The following GKAP1 variants were observed in gnomAD, a reference collection of about 807,000 sequenced individuals.
GKAP1 encodes the protein G kinase-anchoring protein 1.
GKAP1 carries 31 observed loss-of-function variants against 56.7 expected under a neutral mutation model. The observed-to-expected ratio is 0.55, with a 90% CI of 0.41 to 0.74. The LOEUF (loss-of-function observed/expected upper bound fraction) is 0.74. Ranked by LOEUF, GKAP1 falls within the 30% of genes least tolerant of loss-of-function variation. The probability of loss-of-function intolerance (pLI) is 0.00; values close to 1 mark genes in which losing one functional copy is unlikely to be tolerated. For synonymous variants in GKAP1, 151 were observed against 138.6 expected (o/e 1.09, Z -0.63); for missense variants, 364 against 402.3 (o/e 0.90, Z 0.82).
intron 5 of GKAP1, among the ~76,000 whole-genome samples, chr9:83,788,194 C>T (rs1944096414): frequency 6.6e-6 from 1 of 152,168 alleles, no homozygotes; most frequent in Admixed American, 6.5e-5. Flanking sequence ...GTGAGAATCG[C>T]TTGAACCTGG....
chr9:83,815,764 T>C (rs1944575642), intron 2 of GKAP1, among the ~76,000 whole-genome samples: 1 of 152,170 alleles, frequency 6.6e-6, no homozygotes, highest in Non-Finnish European at 1.5e-5. Flanking sequence ...TAGATCGAAA[T>C]TAACTGAGCG....
chr9:83,793,331 C>G (rs1341878958), intron 4 of GKAP1, among the ~76,000 whole-genome samples: 2 of 152,170 alleles, frequency 1.3e-5, no homozygotes, highest in Non-Finnish European at 2.9e-5. Context: ...AGCAGTGGTG[C>G]ATAGTGGTCC....
intron 7 of GKAP1, among the ~76,000 whole-genome samples, chr9:83,775,083 A>G (rs80161489): frequency 0.011 from 1,681 of 150,076 alleles, 30 homozygotes; most frequent in African/African-American, 0.04. Context: ...ATCATAGCTC[A>G]TCCTGGAATT....
At chr9:83,790,266 A>T (rs928870920) in intron 4 of GKAP1, among the ~76,000 whole-genome samples, 2 of 152,192 alleles carry the variant, frequency 1.3e-5, no homozygotes, top group African/African-American at 4.8e-5. Flanking sequence ...TACATACTTT[A>T]TGGAATAACT....
At position 83,756,326 on chromosome 9, in the gene GKAP1, C is replaced by T. The variant is rs1382094361; in HGVS notation, c.739-2967G>A. On this transcript the variant is annotated intron_variant, in intron 8 of 12. Coordinates refer to ENST00000376371, the MANE Select transcript of GKAP1 (RefSeq NM_025211.4). The stretch of plus-strand genomic sequence containing the variant: ...TCTCTACTAAAAATACAAAAATTAG[C>T]TGGGTGTGGTGGCACATGCCTTCAA... 2.0e-5 allele frequency among the ~76,000 whole-genome samples: 3 copies of T among 151,746 alleles called. No homozygotes were observed. The East Asian group carries it at 5.8e-4, about 30-fold the overall frequency.
chr9:83,741,179 G>A (rs1053079642), intron 12 of GKAP1, among the ~76,000 whole-genome samples: 1 of 151,998 alleles, frequency 6.6e-6, no homozygotes, highest in Non-Finnish European at 1.5e-5. Context: ...TCTTTTCAAG[G>A]TATCCCAGGT....
chr9:83,800,533 C>T (rs1014290809), intron 3 of GKAP1, among the ~76,000 whole-genome samples: 1 of 152,084 alleles, frequency 6.6e-6, no homozygotes, highest in Non-Finnish European at 1.5e-5. Flanking sequence ...GGGTTTTCAC[C>T]ATGTTGGCCA....
At chr9:83,792,338 G>A (rs1225704979) in intron 4 of GKAP1, among the ~76,000 whole-genome samples, 2 of 152,052 alleles carry the variant, frequency 1.3e-5, no homozygotes, top group Non-Finnish European at 2.9e-5. Flanking sequence ...TAAAATTTAA[G>A]GCTATAGGGC....
At chr9:83,774,245 T>C (rs1943812590) in intron 7 of GKAP1, among the ~76,000 whole-genome samples, 1 of 151,918 alleles carries the variant, frequency 6.6e-6, no homozygotes, top group South Asian at 2.1e-4. Context: ...AATCCTAGAA[T>C]AAAACCTAGG....
chr9:83,756,424 T>C (rs567388670), intron 8 of GKAP1, among the ~76,000 whole-genome samples: 9 of 135,606 alleles, frequency 6.6e-5, no homozygotes, highest in South Asian at 2.2e-4. Context: ...TGAGCTGAGA[T>C]TGCGCTACTG....
intron 7 of GKAP1, among the ~76,000 whole-genome samples, chr9:83,778,308 A>G (rs756727825): frequency 6.6e-6 from 1 of 152,206 alleles, no homozygotes; most frequent in Admixed American, 6.5e-5. Flanking sequence ...ATGCCCATCA[A>G]TGGTAGACTG....
chr9:83,804,363 C>G (rs1220400962), intron 3 of GKAP1, among the ~76,000 whole-genome samples: 9 of 119,764 alleles, frequency 7.5e-5, no homozygotes, highest in Non-Finnish European at 1.1e-4. Context: ...GTCAGCCCCC[C>G]GCCCGGCCAG....
At chr9:83,755,754 G>A (rs1364970867) in intron 8 of GKAP1, among the ~76,000 whole-genome samples, 2 of 147,480 alleles carry the variant, frequency 1.4e-5, no homozygotes. Context: ...ATTAAAAAAA[G>A]TACAATCTCA....
intron 5 of GKAP1, among the ~76,000 whole-genome samples, chr9:83,785,956 T>G (rs1944056871): frequency 6.6e-6 from 1 of 152,230 alleles, no homozygotes; most frequent in African/African-American, 2.4e-5. Context: ...ATATGCTATA[T>G]TCTTTCACAT....
chr9:83,800,627 C>T (rs563506553), intron 3 of GKAP1, among the ~76,000 whole-genome samples: 7 of 152,112 alleles, frequency 4.6e-5, no homozygotes, highest in African/African-American at 9.7e-5. Context: ...TGAGCCACCG[C>T]GCCCGGCCCC....
In GKAP1 at chr9:83,788,002, G is replaced by A. The variant is rs982964691; in HGVS notation, c.438+599C>T. Among the ~76,000 whole-genome samples the A allele has an allele frequency of 5.9e-5, 9 of 152,286 alleles. No individual in the cohort carries two copies. In the South Asian group the frequency reaches 8.3e-4, roughly 14 times the overall value. ...ATTTAAAATTAAAATAATCGGCAGG[G>A]CACAGTGGCTCACACCTGTAATCCC... On this transcript the variant is annotated intron_variant, in intron 5 of 12. Coordinates refer to ENST00000376371, the MANE Select transcript of GKAP1 (RefSeq NM_025211.4).
chr9:83,779,442 T>TACACAC lies in GKAP1; in HGVS notation c.585+939_585+940insGTGTGT, dbSNP rs1298986099. Among the ~76,000 whole-genome samples, 4 of 69,150 alleles carry TACACAC rather than the reference T, an allele frequency of 5.8e-5. 1 individual carries two copies. The Admixed American group carries it at 6.6e-4, about 11-fold the overall frequency. The allele number at this position is 69,150 out of a possible 152,430, so 45.4% of individuals were successfully genotyped here. ...GTCAGAAGCCATATATATATATATA[T>TACACAC]ATATATACACACACACACACACGCA... On this transcript the variant is annotated intron_variant, in intron 7 of 12. Transcript: ENST00000376371.
At chr9:83,775,292 C>G (rs534209278) in intron 7 of GKAP1, among the ~76,000 whole-genome samples, 34 of 152,264 alleles carry the variant, frequency 2.2e-4, no homozygotes, top group African/African-American at 8.2e-4. Flanking sequence ...CAGGCGCCAG[C>G]CACCATGCCT....
At chr9:83,750,265 A>G (rs1213280189) in intron 9 of GKAP1, among the ~76,000 whole-genome samples, 1 of 152,262 alleles carries the variant, frequency 6.6e-6, no homozygotes, top group Non-Finnish European at 1.5e-5. Context: ...TAAAGAGCAC[A>G]TATGAAATAC....
Sources: allele counts gnomAD v4.1 joint callset (sites outside exome capture counted in the v4.1 genomes callset), GRCh38; gene constraint gnomAD v4.1.1; transcripts MANE v1.5; gene names NCBI Gene and HGNC (gene_info 2026-07-23, HGNC 2026-07-21).